Variants in GNG12 observed in about 807,000 individuals in gnomAD.
GNG12 encodes the protein guanine nucleotide-binding protein G(I)/G(S)/G(O) subunit gamma-12.
For synonymous variants in GNG12, 28 were observed against 29.7 expected, an observed-to-expected ratio of 0.94 and a Z score of 0.19; for missense variants, 69 against 83.8, an observed-to-expected ratio of 0.82 and a Z score of 0.69.
Position 67,705,468 on chromosome 1 carries a change from T to C in GNG12, c.202A>G (p.Thr68Ala), listed in dbSNP as rs757607138. The change falls in exon 4 of 4, where the codon ACT (threonine) becomes GCT (alanine). Residue 68 changes from threonine to alanine, a missense_variant. Coordinates refer to ENST00000370982, the MANE Select transcript of GNG12 (RefSeq NM_018841.6). Reference sequence around the variant, plus strand: ...CTATTCCACTATAAGATGATGCAAGTTTTTTTATCCTTGAAAGGGTTTTCT... The same window carrying C: ...CTATTCCACTATAAGATGATGCAAGCTTTTTTATCCTTGAAAGGGTTTTCT... ...TSENPFKDKK[T>A]CIIL 2.5e-6 allele frequency: 4 copies of C among 1,613,814 alleles called. No homozygotes were observed. In the African/African-American group the frequency reaches 4.0e-5, roughly 16 times the overall value.
chr1:67,808,499 G>C (rs900906015), intron 1 of GNG12, among the ~76,000 whole-genome samples: 1 of 151,942 alleles, frequency 6.6e-6, no homozygotes, highest in African/African-American at 2.4e-5. Context: ...TAGGGGAAGA[G>C]GAAATAAAAC....
chr1:67,706,958 C>A (rs1450945297), intron 3 of GNG12, among the ~76,000 whole-genome samples: 1 of 152,216 alleles, frequency 6.6e-6, no homozygotes, highest in Non-Finnish European at 1.5e-5. Flanking sequence ...CCGCGCCTGG[C>A]CAACTGCTTC....
intron 1 of GNG12, among the ~76,000 whole-genome samples, chr1:67,780,851 G>A (rs1188833190): frequency 1.3e-5 from 2 of 152,138 alleles, no homozygotes; most frequent in Non-Finnish European, 2.9e-5. Flanking sequence ...GTAATAACAT[G>A]CTTAAGCAAT....
intron 2 of GNG12, among the ~76,000 whole-genome samples, chr1:67,731,096 C>T (rs993580607): frequency 2.0e-5 from 3 of 152,152 alleles, no homozygotes; most frequent in Admixed American, 1.3e-4. Context: ...TGACTTATTC[C>T]TATTTTGTTT....
intron 1 of GNG12, among the ~76,000 whole-genome samples, chr1:67,782,327 A>G (rs1646742227): frequency 6.6e-6 from 1 of 152,228 alleles, no homozygotes; most frequent in African/African-American, 2.4e-5. Flanking sequence ...CTTGAGCTCC[A>G]AAGGTTAAAA....
intron 1 of GNG12, among the ~76,000 whole-genome samples, chr1:67,790,089 AAAAAC>A (rs143964266): frequency 0.018 from 2,720 of 152,286 alleles, 78 homozygotes; most frequent in African/African-American, 0.062. Flanking sequence ...ATTAAAAAAC[AAAAAC>A]AAAACACTCA....
intron 2 of GNG12, among the ~76,000 whole-genome samples, chr1:67,719,633 T>TA (rs1299534597): frequency 6.6e-6 from 1 of 152,252 alleles, no homozygotes; most frequent in East Asian, 1.9e-4. Context: ...CAACTACACT[T>TA]ATTCATTACT....
intron 2 of GNG12, among the ~76,000 whole-genome samples, chr1:67,765,222 G>A (rs1015698709): frequency 1.3e-5 from 2 of 152,096 alleles, no homozygotes; most frequent in African/African-American, 2.4e-5. Context: ...CCCAGTAGGC[G>A]ATTAAGCTGA....
chr1:67,767,862 A>G (rs1419238697), intron 2 of GNG12, among the ~76,000 whole-genome samples: 1 of 152,252 alleles, frequency 6.6e-6, no homozygotes, highest in Non-Finnish European at 1.5e-5. Flanking sequence ...TTTTTGAACA[A>G]AACAGTAAGA....
intron 1 of GNG12, among the ~76,000 whole-genome samples, chr1:67,799,317 A>G (rs1302680386): frequency 1.3e-5 from 2 of 152,218 alleles, no homozygotes; most frequent in Admixed American, 1.3e-4. Flanking sequence ...AGAAGGGGCT[A>G]TAAGGCATGG....
intron 2 of GNG12, among the ~76,000 whole-genome samples, chr1:67,710,154 A>ACATATATATAGT: frequency 1.2e-4 from 1 of 8,220 alleles, no homozygotes; most frequent in African/African-American, 3.2e-4. Context: ...ATATATAGTT[A>ACATATATATAGT]TATATATATA....
In GNG12 at chr1:67,705,547, GGACAT is replaced by G; in HGVS notation, c.118_122del (p.Met40LeufsTer3). ...CACTCCTGGCATGTTCCTCACAGTA[GGACAT>G]GAGGTCCGCTGATGCCTTCGAAACC... On this transcript the variant is annotated frameshift_variant, in exon 4 of 4. Coordinates refer to ENST00000370982, the MANE Select transcript of GNG12 (RefSeq NM_018841.6). LOFTEE classifies it high-confidence loss of function. 2 of 1,613,038 alleles carry G rather than the reference GGACAT, an allele frequency of 1.2e-6. No homozygotes were observed. Among genetic ancestry groups the G allele is most frequent in the Non-Finnish European group, 1.7e-6 (2 of 1,179,716 alleles).
intron 1 of GNG12, among the ~76,000 whole-genome samples, chr1:67,829,276 G>A (rs2100832063): frequency 6.6e-6 from 1 of 152,234 alleles, no homozygotes; most frequent in South Asian, 2.1e-4. Context: ...CAGACTTCAT[G>A]TATTACTGAT....
chr1:67,741,646 T>C (rs1300781286), intron 2 of GNG12, among the ~76,000 whole-genome samples: 1 of 152,250 alleles, frequency 6.6e-6, no homozygotes, highest in African/African-American at 2.4e-5. Flanking sequence ...AGCTGTTTGA[T>C]ACTAGAATAA....
intron 1 of GNG12, among the ~76,000 whole-genome samples, chr1:67,819,013 G>A (rs1374359403): frequency 2.0e-5 from 3 of 152,268 alleles, no homozygotes; most frequent in East Asian, 3.9e-4. Flanking sequence ...TTCAGGAAGT[G>A]ACCCACTGAA....
chr1:67,714,683 T>G (rs968447749), intron 2 of GNG12, among the ~76,000 whole-genome samples: 2 of 152,304 alleles, frequency 1.3e-5, no homozygotes, highest in South Asian at 4.1e-4. Context: ...AGTGGAAAAC[T>G]ACATCTTCCA....
intron 1 of GNG12, among the ~76,000 whole-genome samples, chr1:67,811,366 G>A (rs556149602): frequency 1.2e-4 from 18 of 152,198 alleles, no homozygotes; most frequent in African/African-American, 4.3e-4. Flanking sequence ...GGCCATTAGA[G>A]ATACTACAAT....
intron 1 of GNG12, among the ~76,000 whole-genome samples, chr1:67,828,136 A>C (rs924318441): frequency 2.0e-5 from 3 of 152,148 alleles, no homozygotes; most frequent in African/African-American, 7.2e-5. Flanking sequence ...GGGATGAAAG[A>C]GGTAGGCTTC....
At position 67,719,238 on chromosome 1, in the gene GNG12, T is replaced by C. The variant is rs147934924; in HGVS notation, c.-26-11526A>G. Among the ~76,000 whole-genome samples, 493 of 152,344 alleles carry C rather than the reference T, an allele frequency of 3.2e-3. 11 individuals carry two copies. The highest frequency in any genetic ancestry group is 5.4e-3 in the Non-Finnish European group (368 of 68,024). ...GTCTTCTTCTCTTGACCTATTTAAA[T>C]TCTCCTTTTGTAGGCCCTAGTTCAC... On this transcript the variant is annotated intron_variant, in intron 2 of 3. Coordinates refer to ENST00000370982, the MANE Select transcript of GNG12 (RefSeq NM_018841.6).
Sources: allele counts gnomAD v4.1 joint callset (sites outside exome capture counted in the v4.1 genomes callset), GRCh38; gene constraint gnomAD v4.1.1; transcripts MANE v1.5; gene names NCBI Gene and HGNC (gene_info 2026-07-23, HGNC 2026-07-21).